Variants in PCDHA3 observed in about 807,000 individuals in gnomAD.
The protein encoded by PCDHA3 is protocadherin alpha-3.
Under a neutral mutation model 62.2 loss-of-function variants are expected in PCDHA3, and 41 were observed. That is an observed-to-expected ratio of 0.66 (90% confidence interval 0.51 to 0.86). The LOEUF (loss-of-function observed/expected upper bound fraction) is 0.86, where lower values mean the gene tolerates loss of function less well. Among genes scored for constraint, PCDHA3 ranks in the 40% least tolerant of loss-of-function variants. The pLI, the probability that PCDHA3 is intolerant of heterozygous loss-of-function variation, is 0.00. For missense variants in PCDHA3, 1,304 were observed against 1,241.2 expected, an observed-to-expected ratio of 1.05 and a Z score of -0.76; for synonymous variants, 640 against 555.4, an observed-to-expected ratio of 1.15 and a Z score of -2.14.
intron 3 of PCDHA3, among the ~76,000 whole-genome samples, chr5:140,987,213 CA>C (rs58319157): frequency 0.029 from 3,412 of 118,662 alleles, 64 homozygotes; most frequent in African/African-American, 0.058. Flanking sequence ...GACTCCATCT[CA>C]AAAAAAAAAA....
At chr5:140,969,058 TG>T in intron 1 of PCDHA3, 2 of 1,614,166 alleles carry the variant, frequency 1.2e-6, no homozygotes, top group Non-Finnish European at 1.7e-6. Context: ...ACAACAATAT[TG>T]ATGCCAGGAT....
chr5:140,942,410 A>T (rs1047414912), intron 1 of PCDHA3, among the ~76,000 whole-genome samples: 3 of 142,238 alleles, frequency 2.1e-5, no homozygotes, highest in Non-Finnish European at 3.1e-5. Context: ...GACTCTGTTT[A>T]AAAAAAAAAA....
rs782160195 is a variant in PCDHA3, at chr5:140,857,078, G to C, written c.2394+53487G>C. 17 of 1,597,076 alleles carry C rather than the reference G, an allele frequency of 1.1e-5. 2 individuals are homozygous for C. The highest frequency in any genetic ancestry group is 1.5e-5 in the Non-Finnish European group (17 of 1,166,812). On this transcript the variant is annotated intron_variant, in intron 1 of 3. Transcript: ENST00000522353. ...CCTAGTGGAACTACTGGATGAAAATGATAATTCACCTGAGGTGATTGTCAC... is the reference window on the plus strand; with the variant it reads ...CCTAGTGGAACTACTGGATGAAAATCATAATTCACCTGAGGTGATTGTCAC...
Position 140,852,587 on chromosome 5 carries a change from T to TTA in PCDHA3, c.2394+48997_2394+48998insAT, listed in dbSNP as rs201827177. On this transcript the variant is annotated intron_variant, in intron 1 of 3. Coordinates refer to ENST00000522353, the MANE Select transcript of PCDHA3 (RefSeq NM_018906.3). ...CACTGTGCCAAGGCTTTTTTATTTTTTTTTTTTGTCATTTTCTTTCAAAAC... is the reference window on the plus strand; with the variant it reads ...CACTGTGCCAAGGCTTTTTTATTTTTTATTTTTTTGTCATTTTCTTTCAAAAC... The TTA allele has an allele frequency of 1.9e-3, 1,677 of 881,866 alleles. 105 individuals carry two copies. The African/African-American group carries it at 0.023, about 12-fold the overall frequency. 54.6% of individuals were successfully genotyped at this position (881,866 alleles called of 1,614,324 possible). A position where few individuals can be genotyped will look rare whatever the true frequency, so the allele number is the denominator to read the frequency against.
intron 1 of PCDHA3, chr5:140,871,194 G>C (rs1391937650): frequency 3.1e-6 from 5 of 1,613,574 alleles, no homozygotes; most frequent in African/African-American, 1.3e-5. Flanking sequence ...ATGTCAACGT[G>C]TACCTGATCA....
chr5:140,857,567 G>A, intron 1 of PCDHA3: 1 of 1,596,986 alleles, frequency 6.3e-7, no homozygotes, highest in South Asian at 1.1e-5. Flanking sequence ...GTCGAGCTAC[G>A]TGTCGGTGCA....
chr5:140,909,072 C>A (rs2074300655), intron 1 of PCDHA3, among the ~76,000 whole-genome samples: 1 of 152,162 alleles, frequency 6.6e-6, no homozygotes, highest in African/African-American at 2.4e-5. Flanking sequence ...CCAATAAGCC[C>A]AGTGTGTTTG....
At chr5:140,960,063 T>G (rs1461377026) in intron 1 of PCDHA3, among the ~76,000 whole-genome samples, 1 of 152,232 alleles carries the variant, frequency 6.6e-6, no homozygotes, top group Non-Finnish European at 1.5e-5. Flanking sequence ...GTACAGAAGA[T>G]TCAATTGAAG....
chr5:140,857,805 C>T lies in PCDHA3; in HGVS notation c.2394+54214C>T, dbSNP rs1311256758. On this transcript the variant is annotated intron_variant, in intron 1 of 3. Coordinates refer to ENST00000522353, the MANE Select transcript of PCDHA3 (RefSeq NM_018906.3). ...GAGCTGGTGCTGCGGTCGGTGGTTG[C>T]GGGTCACGTGGTGGCTAAGGTGCGC... The T allele has an allele frequency of 2.9e-5, 47 of 1,597,594 alleles. 7 individuals are homozygous for T. The highest frequency in any genetic ancestry group is 5.1e-5 in the Admixed American group (3 of 59,234).
Position 140,849,717 on chromosome 5 carries a change from G to C in PCDHA3, c.2394+46126G>C, listed in dbSNP as rs141495063. The C allele has an allele frequency of 1.2e-4, 185 of 1,598,594 alleles. 18 individuals are homozygous for C. In the Middle Eastern group the frequency reaches 1.2e-3, roughly 10 times the overall value. ...CACCTACAAGAATTACTACTCGTTG[G>C]TGCTGGACAGAGCTCTGGACCGCGA... On this transcript the variant is annotated intron_variant, in intron 1 of 3. Coordinates refer to ENST00000522353, the MANE Select transcript of PCDHA3 (RefSeq NM_018906.3).
intron 2 of PCDHA3, among the ~76,000 whole-genome samples, chr5:140,981,687 A>ATCATTCATTCAT (rs200213847): frequency 1.1e-4 from 17 of 151,972 alleles, no homozygotes; most frequent in African/African-American, 4.1e-4. Context: ...CCTCCCTTCC[A>ATCATTCATTCAT]TCATTCATTC....
chr5:141,011,924 AG>A lies in PCDHA3; in HGVS notation c.*1989del, dbSNP rs1246091886. Reference sequence around the variant, plus strand: ...ATTTAGGCATTAATATAAAAGAGGTAGGAGTCTGTTATTTAAAAAAAGCATT... The same window carrying A: ...ATTTAGGCATTAATATAAAAGAGGTAGAGTCTGTTATTTAAAAAAAGCATT... On this transcript the variant is annotated 3_prime_UTR_variant, in exon 4 of 4. Coordinates refer to ENST00000522353, the MANE Select transcript of PCDHA3 (RefSeq NM_018906.3). 1 of 153,728 alleles carries A rather than the reference AG, an allele frequency of 6.5e-6. No homozygotes were observed. Among genetic ancestry groups the A allele is most frequent in the Non-Finnish European group, 1.5e-5 (1 of 68,042 alleles). 9.5% of individuals were successfully genotyped at this position (153,728 alleles called of 1,614,324 possible).
rs782609302 is a variant in PCDHA3 at position 140,875,595 on chromosome 5, C to T, written c.2394+72004C>T. The T allele has an allele frequency of 6.2e-6, 10 of 1,613,842 alleles. No individual in the cohort carries two copies. The African/African-American group carries it at 8.0e-5, about 13-fold the overall frequency. ...ACTCCGTCTACGAGGAGGCCAAACA[C>T]GGCACCTTCGTGGGCCGCATCGCTC... On this transcript the variant is annotated intron_variant, in intron 1 of 3. Transcript: ENST00000522353.
intron 1 of PCDHA3, among the ~76,000 whole-genome samples, chr5:140,922,038 T>A (rs1048446579): frequency 6.6e-6 from 1 of 152,088 alleles, no homozygotes. Context: ...AATGTAATTT[T>A]CCCACATACC....
intron 1 of PCDHA3, chr5:140,865,253 G>T (rs782676084): frequency 6.6e-6 from 1 of 152,152 alleles, no homozygotes; most frequent in Non-Finnish European, 1.5e-5. Context: ...TAGCTGTAAG[G>T]ATGTGTATCA....
intron 1 of PCDHA3, chr5:140,876,187 G>A (rs1554168344): frequency 1.9e-6 from 3 of 1,613,842 alleles, no homozygotes; most frequent in African/African-American, 2.7e-5. Context: ...GAATGACAAT[G>A]GTCCGGCGTT....
intron 1 of PCDHA3, chr5:140,813,645 A>G (rs183408897): frequency 6.6e-6 from 1 of 152,194 alleles, no homozygotes; most frequent in African/African-American, 2.4e-5. Context: ...ATTACTGTGC[A>G]CTAATGTAGA....
At chr5:140,985,138 C>T (rs972329850) in intron 3 of PCDHA3, among the ~76,000 whole-genome samples, 3 of 152,016 alleles carry the variant, frequency 2.0e-5, no homozygotes, top group Non-Finnish European at 2.9e-5. Flanking sequence ...GGGGTTTCAC[C>T]GTGTTAGCCA....
rs564801749 is a variant in PCDHA3, at chr5:140,919,703, A to G, written c.2395-59246A>G. Among the ~76,000 whole-genome samples the G allele has an allele frequency of 6.4e-4, 98 of 152,318 alleles. No individual in the cohort carries two copies. In the South Asian group the frequency reaches 0.011, roughly 16 times the overall value. ...TCTGCTTCAGATTTATATTAACTTA[A>G]TTCTAGTGAGATATAAATATGTTAC... On this transcript the variant is annotated intron_variant, in intron 1 of 3. Transcript: ENST00000522353.
Sources: allele counts gnomAD v4.1 joint callset (sites outside exome capture counted in the v4.1 genomes callset), GRCh38; gene constraint gnomAD v4.1.1; transcripts MANE v1.5; gene names NCBI Gene and HGNC (gene_info 2026-07-23, HGNC 2026-07-21).